Variants in NCK1 observed in about 807,000 individuals in gnomAD.
NCK1 encodes SH2/SH3 adapter protein NCK1.
In NCK1, 19 loss-of-function variants were observed where a neutral mutation model predicts 36.6. The ratio of observed to expected loss-of-function variants is 0.52; its 90% CI spans 0.36 to 0.76. The LOEUF is 0.76. Ranked by LOEUF, NCK1 falls within the 30% of genes least tolerant of loss-of-function variation. The pLI is 0.00. For synonymous variants in NCK1, 165 were observed against 156.0 expected, an observed-to-expected ratio of 1.06 and a Z score of -0.43; for missense variants, 358 against 445.6, an observed-to-expected ratio of 0.80 and a Z score of 1.77.
Position 136,945,758 on chromosome 3 carries a change from C to T in NCK1, c.402C>T (p.Ile134=), listed in dbSNP as rs764042177. 8.1e-6 allele frequency: 13 copies of T among 1,613,920 alleles called. No individual in the cohort carries two copies. Among genetic ancestry groups the T allele is most frequent in the African/African-American group, 2.7e-5 (2 of 74,878 alleles). Residue 134 remains isoleucine (I), a synonymous_variant, in exon 3 of 4, where the codon ATC becomes ATT. Transcript: ENST00000481752. Reference sequence around the variant, plus strand: ...CATTGATAAAGGGGACAAAGGTGATCGTCATGGAGAAATGCAGTGATGGGT... The same window carrying T: ...CATTGATAAAGGGGACAAAGGTGATTGTCATGGAGAAATGCAGTGATGGGT... The part of the protein sequence containing the change: ...ELSLIKGTKV[I]VMEKCSDGWW...
chr3:136,937,900 C>T (rs988215180), intron 2 of NCK1, among the ~76,000 whole-genome samples: 3 of 151,832 alleles, frequency 2.0e-5, no homozygotes, highest in African/African-American at 7.3e-5. Flanking sequence ...TTTTCCCCTC[C>T]CTAATTGCTT....
At chr3:136,948,202 A>G in intron 3 of NCK1, 57 bp from the exon 4 acceptor site, 1 of 1,351,754 alleles carries the variant, frequency 7.4e-7, no homozygotes, top group South Asian at 1.7e-5. Flanking sequence ...TAATATAAAA[A>G]TACTGATAGA....
At chr3:136,909,712 T>G (rs1939784937) in intron 1 of NCK1, among the ~76,000 whole-genome samples, 1 of 152,206 alleles carries the variant, frequency 6.6e-6, no homozygotes, top group Non-Finnish European at 1.5e-5. Context: ...ACTGTCTTGT[T>G]TCTCCCTTAA....
At chr3:136,899,230 C>A in intron 1 of NCK1, 1 of 258,952 alleles carries the variant, frequency 3.9e-6, no homozygotes, top group South Asian at 5.1e-5. Context: ...CTCTTGCTTT[C>A]AGCTGAAGGA....
rs1939820635 is a variant in NCK1, at chr3:136,911,198, A to G, written c.-18-16786A>G. 2.6e-5 allele frequency among the ~76,000 whole-genome samples: 4 copies of G among 152,216 alleles called. No individual in the cohort carries two copies. The South Asian group carries it at 8.3e-4, about 32-fold the overall frequency. On this transcript the variant is annotated intron_variant, in intron 1 of 3. Coordinates refer to ENST00000481752, the MANE Select transcript of NCK1 (RefSeq NM_001291999.2). ...TTCCATATCCTGGCTATTGTGAATA[A>G]TGCTGCAATGAACATGGGAATATAG...
At chr3:136,889,779 T>C (rs1939185672) in intron 1 of NCK1, among the ~76,000 whole-genome samples, 1 of 152,150 alleles carries the variant, frequency 6.6e-6, no homozygotes, top group South Asian at 2.1e-4. Flanking sequence ...GAGTGTCGAT[T>C]GGTGCATTCA....
intron 1 of NCK1, among the ~76,000 whole-genome samples, chr3:136,874,286 C>T (rs1938705723): frequency 6.6e-6 from 1 of 152,176 alleles, no homozygotes; most frequent in Non-Finnish European, 1.5e-5. Context: ...AGTGATTGTC[C>T]TGCCTCAGCC....
rs1938244068 is a variant in NCK1 at position 136,862,335 on chromosome 3, C to G, written c.-37C>G. 1 of 152,792 alleles carries G rather than the reference C, an allele frequency of 6.5e-6. No individual in the cohort carries two copies. The highest frequency in any genetic ancestry group is 2.1e-4 in the South Asian group (1 of 4,848). 9.5% of individuals were successfully genotyped at this position (152,792 alleles called of 1,614,324 possible). ...CCCTCCTCAGGTGAGCTGGAGCTGC[C>G]CGGCTCGGCAGCGGGAAGGTGAGAC... On this transcript the variant is annotated 5_prime_UTR_variant, in exon 1 of 4. Coordinates refer to ENST00000481752, the MANE Select transcript of NCK1 (RefSeq NM_001291999.2).
At chr3:136,895,356 G>A (rs1939364927) in intron 1 of NCK1, among the ~76,000 whole-genome samples, 3 of 151,610 alleles carry the variant, frequency 2.0e-5, no homozygotes, top group African/African-American at 7.3e-5. Context: ...ACCTTTTAAT[G>A]TTGCAATAAA....
At chr3:136,942,127 T>G (rs1163095427) in intron 2 of NCK1, among the ~76,000 whole-genome samples, 2 of 152,228 alleles carry the variant, frequency 1.3e-5, no homozygotes, top group Non-Finnish European at 2.9e-5. Flanking sequence ...TGTGAGCCCC[T>G]GTGCCCAGCC....
chr3:136,920,001 A>C (rs951502162), intron 1 of NCK1, among the ~76,000 whole-genome samples: 3 of 152,166 alleles, frequency 2.0e-5, no homozygotes, highest in African/African-American at 4.8e-5. Context: ...CACAGTAAAC[A>C]ATGAAGGGGG....
chr3:136,915,656 T>C (rs529377349), intron 1 of NCK1, among the ~76,000 whole-genome samples: 1 of 152,118 alleles, frequency 6.6e-6, no homozygotes, highest in African/African-American at 2.4e-5. Flanking sequence ...CACAGTTTCC[T>C]CAGGCTGTAT....
intron 1 of NCK1, among the ~76,000 whole-genome samples, chr3:136,919,742 G>A (rs930150538): frequency 2.6e-5 from 4 of 152,058 alleles, no homozygotes; most frequent in African/African-American, 9.7e-5. Flanking sequence ...ACTGAGGAAG[G>A]GTACTGTTGG....
chr3:136,878,502 T>C (rs577405122), intron 1 of NCK1, among the ~76,000 whole-genome samples: 2 of 152,096 alleles, frequency 1.3e-5, no homozygotes, highest in Non-Finnish European at 2.9e-5. Flanking sequence ...TTTGTAGAGA[T>C]AGAGTGGTTG....
intron 2 of NCK1, among the ~76,000 whole-genome samples, chr3:136,941,358 G>A (rs1391491832): frequency 2.0e-5 from 3 of 151,934 alleles, no homozygotes; most frequent in Non-Finnish European, 2.9e-5. Context: ...TTGAACTTCT[G>A]ACCTCAAGTG....
At position 136,950,850 on chromosome 3, in the gene NCK1, C is replaced by G. The variant is rs1940954817; in HGVS notation, c.*2397C>G. Among the ~76,000 whole-genome samples, 1 of 152,098 alleles carries G rather than the reference C, an allele frequency of 6.6e-6. No homozygotes were observed. The highest frequency in any genetic ancestry group is 2.1e-4 in the South Asian group (1 of 4,830). On this transcript the variant is annotated 3_prime_UTR_variant, in exon 4 of 4. Coordinates refer to ENST00000481752, the MANE Select transcript of NCK1 (RefSeq NM_001291999.2). ...GTCAGATGGAACCCTGCCTAACTCA[C>G]TTCTACAAATAACTTCCCCAAAATC...
chr3:136,896,330 A>G (rs1465435254), intron 1 of NCK1, among the ~76,000 whole-genome samples: 1 of 152,190 alleles, frequency 6.6e-6, no homozygotes, highest in Admixed American at 6.5e-5. Context: ...CTGTCATTCT[A>G]CTGTCTACCT....
intron 1 of NCK1, among the ~76,000 whole-genome samples, chr3:136,903,084 C>G (rs191776762): frequency 6.6e-6 from 1 of 152,218 alleles, no homozygotes; most frequent in Non-Finnish European, 1.5e-5. Flanking sequence ...GAATCTATCT[C>G]TCCTTACAGA....
chr3:136,870,397 G>C (rs553659852), intron 1 of NCK1, among the ~76,000 whole-genome samples: 1 of 151,586 alleles, frequency 6.6e-6, no homozygotes, highest in Non-Finnish European at 1.5e-5. Flanking sequence ...ATTTTCATAT[G>C]TTAGTGTGTA....
Sources: gnomAD v4.1 joint callset for allele counts (sites outside exome capture counted in the v4.1 genomes callset) on GRCh38, gnomAD v4.1.1 for gene constraint, MANE v1.5 for transcripts, NCBI Gene and HGNC (gene_info 2026-07-23, HGNC 2026-07-21) for gene names.